The following CXXC5 variants were observed in gnomAD, a reference collection of about 807,000 sequenced individuals.
CXXC5 encodes the protein CXXC finger protein 5, also known as CXXC-type zinc finger protein 5.
In CXXC5, 2 loss-of-function variants were observed where a neutral mutation model predicts 17.6. The observed-to-expected ratio is 0.11, with a 90% CI of 0.05 to 0.36. The LOEUF is 0.36. Among genes scored for constraint, CXXC5 ranks in the 10% least tolerant of loss-of-function variants. The pLI is 1.00. For synonymous variants in CXXC5, 171 were observed against 193.0 expected, an observed-to-expected ratio of 0.89 and a Z score of 0.94; for missense variants, 343 against 458.3, an observed-to-expected ratio of 0.75 and a Z score of 2.30.
intron 1 of CXXC5, among the ~76,000 whole-genome samples, chr5:139,651,636 G>C (rs989464755): frequency 6.6e-6 from 1 of 152,120 alleles, no homozygotes; most frequent in African/African-American, 2.4e-5. Flanking sequence ...CTTCAGGACT[G>C]ACTGCACCTT....
chr5:139,680,345 C>A lies in CXXC5; in HGVS notation c.-160-19C>A. 1.2e-6 allele frequency: 1 copy of A among 868,694 alleles called. No individual in the cohort carries two copies. Among genetic ancestry groups the A allele is most frequent in the Non-Finnish European group, 1.7e-6 (1 of 582,986 alleles). 53.8% of individuals were successfully genotyped at this position (868,694 alleles called of 1,614,324 possible). A position where few individuals can be genotyped will look rare whatever the true frequency, so the allele number is the denominator to read the frequency against. Reference sequence around the variant, plus strand: ...GGAGGTGTTCACTGCTGCCCTGACCCTGTATCCTCTTGTGACAGAGTGAAG... The same window carrying A: ...GGAGGTGTTCACTGCTGCCCTGACCATGTATCCTCTTGTGACAGAGTGAAG... On this transcript the variant is annotated intron_variant, in intron 1 of 2. Transcript: ENST00000302517.
intron 1 of CXXC5, among the ~76,000 whole-genome samples, chr5:139,653,247 A>G (rs933274114): frequency 2.0e-5 from 3 of 152,326 alleles, no homozygotes; most frequent in Admixed American, 6.5e-5. Context: ...ATCCACGGCA[A>G]TGGTAGCATG....
rs1287901383 is a variant in CXXC5 at position 139,680,602 on chromosome 5, A to G, written c.79A>G (p.Ser27Gly). 1.2e-6 allele frequency: 2 copies of G among 1,608,972 alleles called. No individual in the cohort carries two copies. Among genetic ancestry groups the G allele is most frequent in the East Asian group, 2.2e-5 (1 of 44,624 alleles). ...CACCAATGGCAGCGGTGGCAGTGGC[A>G]GCAGTGGCCCAAAGGCAGGAGCAGC... ...SSTNGSGGSGSSGPKAGAADK... is the reference protein window; with the variant it reads ...SSTNGSGGSGGSGPKAGAADK... The change falls in exon 2 of 3, where the codon AGC becomes GGC. Residue 27 changes from serine to glycine, a missense_variant. This residue lies in a region of CXXC5 where 297 missense variants were observed against 363.4 expected (regional missense o/e 0.82). Transcript: ENST00000302517.
At chr5:139,674,946 C>T (rs1263421138) in intron 1 of CXXC5, among the ~76,000 whole-genome samples, 2 of 152,248 alleles carry the variant, frequency 1.3e-5, no homozygotes, top group Non-Finnish European at 2.9e-5. Flanking sequence ...TGCTTAGGCT[C>T]TCTTTCATGC....
At chr5:139,676,059 T>C (rs1756766695) in intron 1 of CXXC5, among the ~76,000 whole-genome samples, 1 of 151,788 alleles carries the variant, frequency 6.6e-6, no homozygotes, top group Non-Finnish European at 1.5e-5. Flanking sequence ...ACAGGAGGCA[T>C]TGGGCCCTGC....
chr5:139,664,306 C>G (rs1003362822), intron 1 of CXXC5, among the ~76,000 whole-genome samples: 1 of 152,242 alleles, frequency 6.6e-6, no homozygotes, highest in Non-Finnish European at 1.5e-5. Flanking sequence ...GAAGCTGCCT[C>G]GGGGCCTGGT....
At chr5:139,653,168 G>A (rs567968812) in intron 1 of CXXC5, among the ~76,000 whole-genome samples, 1 of 152,300 alleles carries the variant, frequency 6.6e-6, no homozygotes, top group Non-Finnish European at 1.5e-5. Flanking sequence ...CAGCCTCCCC[G>A]TCTGCCTGCC....
Position 139,682,986 on chromosome 5 carries a change from C to A in CXXC5, c.*79C>A. On this transcript the variant is annotated 3_prime_UTR_variant, in exon 3 of 3. Transcript: ENST00000302517. ...CTCCAGCAAGGGATTCGGGCGAAGA[C>A]AAACGGATGCACCCGTCTTTAGAAC... 1 of 1,281,996 alleles carries A rather than the reference C, an allele frequency of 7.8e-7. No individual in the cohort carries two copies. The allele number at this position is 1,281,996 out of a possible 1,614,324, so 79.4% of individuals were successfully genotyped here.
chr5:139,664,448 T>C (rs940927587), intron 1 of CXXC5, among the ~76,000 whole-genome samples: 1 of 152,130 alleles, frequency 6.6e-6, no homozygotes, highest in African/African-American at 2.4e-5. Context: ...ATAGCCACAA[T>C]GACCCCCCAT....
chr5:139,681,535 A>G (rs1757238513), intron 2 of CXXC5, 88 bp downstream of exon 2: 3 of 1,469,738 alleles, frequency 2.0e-6, no homozygotes, highest in Non-Finnish European at 2.7e-6. Context: ...CACTTTTCCT[A>G]CCTGGGCAAG....
chr5:139,669,344 C>T (rs1561541002), intron 1 of CXXC5, among the ~76,000 whole-genome samples: 1 of 152,154 alleles, frequency 6.6e-6, no homozygotes, highest in Non-Finnish European at 1.5e-5. Context: ...ACTCACACCC[C>T]AGCCCCTGGC....
At chr5:139,657,403 T>G (rs2126753350) in intron 1 of CXXC5, among the ~76,000 whole-genome samples, 1 of 152,352 alleles carries the variant, frequency 6.6e-6, no homozygotes, top group South Asian at 2.1e-4. Flanking sequence ...GAGGCCCCCA[T>G]AACCCTTGGC....
At chr5:139,654,285 A>C (rs1387871913) in intron 1 of CXXC5, among the ~76,000 whole-genome samples, 1 of 152,232 alleles carries the variant, frequency 6.6e-6, no homozygotes, top group Non-Finnish European at 1.5e-5. Context: ...ACAAGTGTGT[A>C]TGAGCAGTGG....
rs1755911546 is a variant in CXXC5, at chr5:139,663,055, T to G, written c.-161+14210T>G. On this transcript the variant is annotated intron_variant, in intron 1 of 2. Coordinates refer to ENST00000302517, the MANE Select transcript of CXXC5 (RefSeq NM_016463.9). This position sits in a 1 kb window ranked among gnomAD's most constrained non-coding sequence, Gnocchi z 4.2. ...TAATTAGAATGTCTTGGATTTAGCC[T>G]TCTCTAGGGCTGTTCTCAGATGGGG... Among the ~76,000 whole-genome samples, 1 of 152,134 alleles carries G rather than the reference T, an allele frequency of 6.6e-6. No individual in the cohort carries two copies. The highest frequency in any genetic ancestry group is 6.5e-5 in the Admixed American group (1 of 15,278).
intron 1 of CXXC5, among the ~76,000 whole-genome samples, chr5:139,656,702 G>A (rs901631934): frequency 4.6e-5 from 7 of 152,124 alleles, no homozygotes; most frequent in Admixed American, 2.6e-4. Flanking sequence ...TGCGGCCCCC[G>A]TTAACTGCTA....
At chr5:139,659,289 G>A (rs971208887) in intron 1 of CXXC5, among the ~76,000 whole-genome samples, 3 of 152,146 alleles carry the variant, frequency 2.0e-5, no homozygotes, top group Non-Finnish European at 4.4e-5. Context: ...CCAGTGAGGC[G>A]CGGTGTCCAG....
intron 1 of CXXC5, among the ~76,000 whole-genome samples, chr5:139,650,820 C>A (rs1755129462): frequency 6.6e-6 from 1 of 152,054 alleles, no homozygotes. Flanking sequence ...AAACTCAGGC[C>A]GGCGGGCTAC....
At chr5:139,655,836 T>C (rs1288447380) in intron 1 of CXXC5, among the ~76,000 whole-genome samples, 1 of 151,878 alleles carries the variant, frequency 6.6e-6, no homozygotes, top group African/African-American at 2.4e-5. Context: ...CAGTGGCGGC[T>C]CTGGGCCCTG....
At chr5:139,650,493 C>T (rs1352923526) in intron 1 of CXXC5, among the ~76,000 whole-genome samples, 1 of 152,204 alleles carries the variant, frequency 6.6e-6, no homozygotes, top group Non-Finnish European at 1.5e-5. Context: ...GCCCCAGGGC[C>T]GCCGGCAAAC....
Sources: allele counts gnomAD v4.1 joint callset (sites outside exome capture counted in the v4.1 genomes callset), GRCh38; gene constraint gnomAD v4.1.1; regional missense constraint gnomAD v4.1.1; non-coding constraint Gnocchi (gnomAD v3.1); transcripts MANE v1.5; gene names NCBI Gene and HGNC (gene_info 2026-07-23, HGNC 2026-07-21).